Variants in UBR3 observed in about 807,000 individuals in gnomAD.
The protein encoded by UBR3 is E3 ubiquitin-protein ligase UBR3.
UBR3 carries 85 observed loss-of-function variants against 243.2 expected under a neutral mutation model. That is an observed-to-expected ratio of 0.35 (90% CI 0.29 to 0.42). The LOEUF is 0.42. Ranked by LOEUF, UBR3 falls within the 10% of genes least tolerant of loss-of-function variation. The pLI, the probability that UBR3 is intolerant of heterozygous loss-of-function variation, is 1.00. For missense variants in UBR3, 1,686 were observed against 2,300.8 expected, an observed-to-expected ratio of 0.73 and a Z score of 5.47; for synonymous variants, 748 against 799.8, an observed-to-expected ratio of 0.94 and a Z score of 1.09.
At chr2:169,942,446 T>A (rs747741496) in intron 19 of UBR3, 47 bp from the exon 20 acceptor site, 1 of 1,499,806 alleles carries the variant, frequency 6.7e-7, no homozygotes, top group Non-Finnish European at 8.9e-7. Flanking sequence ...AACCACAGTT[T>A]GATTTTGAGG....
At chr2:169,857,065 T>TTTTGTTTTTTG (rs1491391930) in intron 1 of UBR3, among the ~76,000 whole-genome samples, 3 of 44,168 alleles carry the variant, frequency 6.8e-5, no homozygotes, top group Admixed American at 2.7e-4. Flanking sequence ...TTTTATTATG[T>TTTTGTTTTTTG]TTTTTTTTTT....
intron 29 of UBR3, 35 bp downstream of exon 29, chr2:170,008,975 T>C: frequency 7.7e-7 from 1 of 1,301,328 alleles, no homozygotes; most frequent in Middle Eastern, 1.9e-4. Flanking sequence ...TTAGTTTACT[T>C]ACTATTAATA....
At chr2:169,910,657 C>T (rs2085216826) in intron 10 of UBR3, among the ~76,000 whole-genome samples, 1 of 152,110 alleles carries the variant, frequency 6.6e-6, no homozygotes, top group African/African-American at 2.4e-5. Context: ...ATAAGACATT[C>T]TCTTCGTGAG....
intron 24 of UBR3, among the ~76,000 whole-genome samples, chr2:169,970,822 T>G (rs1212522159): frequency 6.8e-6 from 1 of 146,094 alleles, no homozygotes; most frequent in Admixed American, 6.9e-5. Context: ...TGATTTATAG[T>G]CCTTTGGGTA....
chr2:170,075,681 CT>C (rs1304799787), intron 36 of UBR3, among the ~76,000 whole-genome samples: 2 of 152,202 alleles, frequency 1.3e-5, no homozygotes, highest in East Asian at 3.9e-4. Context: ...GTTCCTAACC[CT>C]GATCCTGACC....
Position 169,856,460 on chromosome 2 carries a change from A to C in UBR3, c.546-15776A>C, listed in dbSNP as rs953229614. Among the ~76,000 whole-genome samples the C allele has an allele frequency of 5.9e-5, 9 of 152,290 alleles. No homozygotes were observed. In the East Asian group the frequency reaches 1.5e-3, roughly 26 times the overall value. On this transcript the variant is annotated intron_variant, in intron 1 of 38. Transcript: ENST00000272793. ...GCCGGGCAGAGGCTGCAATCTCTGC[A>C]CTTTGGGAGGCCAAGGCAGGCGGCT...
intron 6 of UBR3, among the ~76,000 whole-genome samples, chr2:169,892,523 G>T (rs1306782177): frequency 1.3e-5 from 2 of 152,110 alleles, no homozygotes; most frequent in Non-Finnish European, 2.9e-5. Flanking sequence ...TTTTTCACAT[G>T]TGTGTTTGGA....
At chr2:169,878,503 C>A (rs1252412371) in intron 4 of UBR3, 22 bp from the exon 5 acceptor site, 2 of 1,547,358 alleles carry the variant, frequency 1.3e-6, no homozygotes, top group Admixed American at 2.0e-5. Flanking sequence ...TGAAGGACAA[C>A]TATTTTTCTT....
At chr2:169,897,777 A>T (rs1167258023) in intron 8 of UBR3, among the ~76,000 whole-genome samples, 1 of 152,222 alleles carries the variant, frequency 6.6e-6, no homozygotes, top group Non-Finnish European at 1.5e-5. Flanking sequence ...CTGGGATTAC[A>T]GGTATGAGAC....
At chr2:169,834,993 T>C (rs934349226) in intron 1 of UBR3, among the ~76,000 whole-genome samples, 4 of 152,128 alleles carry the variant, frequency 2.6e-5, no homozygotes, top group Non-Finnish European at 4.4e-5. Context: ...GAAAGTAGAA[T>C]AGTGATTATC....
intron 1 of UBR3, 65 bp downstream of exon 1, chr2:169,828,117 G>C (rs2081803957): frequency 1.5e-6 from 2 of 1,337,116 alleles, no homozygotes; most frequent in East Asian, 6.2e-5. Flanking sequence ...AGGGCCTGGA[G>C]CGGAGCACTG....
intron 11 of UBR3, among the ~76,000 whole-genome samples, chr2:169,921,729 C>T (rs1223395420): frequency 1.3e-5 from 2 of 152,164 alleles, no homozygotes; most frequent in African/African-American, 4.8e-5. Flanking sequence ...CAGTGGTTCA[C>T]GCCTTTGGTC....
At chr2:170,016,449 T>C (rs965050309) in intron 30 of UBR3, among the ~76,000 whole-genome samples, 1 of 151,904 alleles carries the variant, frequency 6.6e-6, no homozygotes, top group Admixed American at 6.6e-5. Flanking sequence ...TAAACCCTAT[T>C]TCTATTCAGT....
chr2:169,933,734 A>T (rs542522465), intron 19 of UBR3, among the ~76,000 whole-genome samples: 2 of 152,228 alleles, frequency 1.3e-5, no homozygotes, highest in East Asian at 1.9e-4. Flanking sequence ...ACTTATCCAG[A>T]TAACTATCAA....
chr2:169,846,686 G>A (rs1414163248), intron 1 of UBR3, among the ~76,000 whole-genome samples: 1 of 150,918 alleles, frequency 6.6e-6, no homozygotes, highest in Non-Finnish European at 1.5e-5. Flanking sequence ...CTCTAGCCTG[G>A]GCAACAGGGC....
At chr2:170,031,336 T>A (rs1357941912) in intron 31 of UBR3, among the ~76,000 whole-genome samples, 1 of 152,164 alleles carries the variant, frequency 6.6e-6, no homozygotes, top group African/African-American at 2.4e-5. Flanking sequence ...GTCAAATGTC[T>A]TTTTACTTCA....
chr2:169,953,498 C>G (rs1245507528), intron 23 of UBR3, among the ~76,000 whole-genome samples: 4 of 152,116 alleles, frequency 2.6e-5, no homozygotes, highest in Admixed American at 6.5e-5. Context: ...TGTCTTTAAC[C>G]CAGGAGTTAA....
At chr2:170,009,904 A>T (rs1323243843) in intron 29 of UBR3, among the ~76,000 whole-genome samples, 1 of 151,934 alleles carries the variant, frequency 6.6e-6, no homozygotes, top group East Asian at 1.9e-4. Context: ...TCTCTGGTCC[A>T]CTCCTGGAAC....
chr2:169,898,557 G>A (rs2084679974), intron 8 of UBR3, among the ~76,000 whole-genome samples: 1 of 151,990 alleles, frequency 6.6e-6, no homozygotes, highest in Non-Finnish European at 1.5e-5. Flanking sequence ...AGGCCGGGTT[G>A]TCTAACTTCA....
Sources: allele counts gnomAD v4.1 joint callset (sites outside exome capture counted in the v4.1 genomes callset), GRCh38; gene constraint gnomAD v4.1.1; transcripts MANE v1.5; gene names NCBI Gene and HGNC (gene_info 2026-07-23, HGNC 2026-07-21).